IRAK3: variants seen among roughly 807,000 people sequenced by gnomAD.
IRAK3 encodes interleukin 1 receptor associated kinase 3.
In IRAK3, 57 loss-of-function variants were observed where a neutral mutation model predicts 56.6. That is an observed-to-expected ratio of 1.01 (90% CI 0.81 to 1.26). The LOEUF is 1.26. Among genes scored for constraint, IRAK3 ranks in the 50% most tolerant of loss-of-function variants. The pLI, the probability that IRAK3 is intolerant of heterozygous loss-of-function variation, is 0.00. For missense variants in IRAK3, 703 were observed against 719.0 expected (o/e 0.98, Z 0.25); for synonymous variants, 258 against 255.7 (o/e 1.01, Z -0.09).
At chr12:66,218,839 C>T (rs2052702898) in intron 6 of IRAK3, among the ~76,000 whole-genome samples, 1 of 152,140 alleles carries the variant, frequency 6.6e-6, no homozygotes, top group Non-Finnish European at 1.5e-5. Context: ...TTCCCAACCC[C>T]CAGCCCTTGG....
At chr12:66,207,670 C>A (rs899307688) in intron 2 of IRAK3, among the ~76,000 whole-genome samples, 1 of 152,010 alleles carries the variant, frequency 6.6e-6, no homozygotes, top group African/African-American at 2.4e-5. Context: ...CTATAAATTT[C>A]CCTCTAAGCA....
intron 5 of IRAK3, 125 bp downstream of exon 5, chr12:66,211,722 TAAGAG>T (rs2052614216): frequency 3.7e-6 from 3 of 805,848 alleles, no homozygotes; most frequent in Non-Finnish European, 6.1e-6. Flanking sequence ...TAAGTGGAAA[TAAGAG>T]ATATGATTTC....
chr12:66,234,549 C>G, intron 8 of IRAK3: 1 of 1,612,034 alleles, frequency 6.2e-7, no homozygotes, highest in Non-Finnish European at 8.5e-7. Flanking sequence ...AGTCTCACCT[C>G]TCCTTCTCTA....
intron 2 of IRAK3, among the ~76,000 whole-genome samples, chr12:66,206,227 A>AT (rs869189926): frequency 1.3e-5 from 2 of 151,738 alleles, no homozygotes; most frequent in Non-Finnish European, 2.9e-5. Context: ...TATGTTTGTT[A>AT]TTTTTTCTTC....
chr12:66,215,763 C>T (rs989600423), intron 5 of IRAK3, among the ~76,000 whole-genome samples: 13 of 124,006 alleles, frequency 1.0e-4, no homozygotes, highest in Admixed American at 2.6e-4. Context: ...CTTTTATCTC[C>T]GCCCCCTATT....
In IRAK3 at chr12:66,251,310, G is replaced by C. The variant is rs1234653700; in HGVS notation, c.*3139G>C. The C allele has an allele frequency of 6.6e-6, 1 of 152,150 alleles. No individual in the cohort carries two copies. The highest frequency in any genetic ancestry group is 1.5e-5 in the Non-Finnish European group (1 of 68,022). The allele number at this position is 152,150 out of a possible 1,614,324, so 9.4% of individuals were successfully genotyped here. A position where few individuals can be genotyped will look rare whatever the true frequency, so the allele number is the denominator to read the frequency against. On this transcript the variant is annotated 3_prime_UTR_variant, in exon 12 of 12. Coordinates refer to ENST00000261233, the MANE Select transcript of IRAK3 (RefSeq NM_007199.3). ...CCTTCTAGTGGGTGTATTAATAAGC[G>C]TTAGTTGATATGAATTAAATGTTGC...
intron 5 of IRAK3, among the ~76,000 whole-genome samples, chr12:66,216,019 T>C (rs2052673544): frequency 6.6e-6 from 1 of 152,212 alleles, no homozygotes; most frequent in Non-Finnish European, 1.5e-5. Flanking sequence ...ACAATGCAGA[T>C]TCTGATTCAG....
intron 1 of IRAK3, among the ~76,000 whole-genome samples, chr12:66,194,821 T>C (rs1392636126): frequency 6.1e-4 from 58 of 95,586 alleles, no homozygotes; most frequent in Non-Finnish European, 1.1e-3. Context: ...AGAGCGAGAC[T>C]CCTCTCAAAA....
Position 66,251,511 on chromosome 12 carries a change from A to G in IRAK3, c.*3340A>G, listed in dbSNP as rs779654004. 8.5e-5 allele frequency: 13 copies of G among 152,196 alleles called. No individual in the cohort carries two copies. Among genetic ancestry groups the G allele is most frequent in the Non-Finnish European group, 1.6e-4 (11 of 68,026 alleles). The allele number at this position is 152,196 out of a possible 1,614,324, so 9.4% of individuals were successfully genotyped here. On this transcript the variant is annotated 3_prime_UTR_variant, in exon 12 of 12. Transcript: ENST00000261233. ...CTGAGCAATCCTCCAGGCAGATCCT[A>G]TTTACTAAGCTTCAGGCTTTTGTCC... is the stretch of plus-strand genomic sequence containing the variant.
At chr12:66,193,085 G>T (rs539480645) in intron 1 of IRAK3, among the ~76,000 whole-genome samples, 1 of 151,804 alleles carries the variant, frequency 6.6e-6, no homozygotes. Context: ...TCAGTTTACC[G>T]CAACCTCCGC....
intron 8 of IRAK3, among the ~76,000 whole-genome samples, chr12:66,240,776 G>A (rs2052960297): frequency 1.3e-5 from 2 of 150,976 alleles, no homozygotes; most frequent in Non-Finnish European, 1.5e-5. Context: ...AGGCACCCAG[G>A]CGCTGGACTG....
In IRAK3 at chr12:66,249,159, T is replaced by G. The variant is rs2053067771; in HGVS notation, c.*988T>G. ...ACTTTCTGAATTATATCAAAGCTGCTTGTCTTATCTCTTTTTTTTTTTGAG... is the reference window on the plus strand; with the variant it reads ...ACTTTCTGAATTATATCAAAGCTGCGTGTCTTATCTCTTTTTTTTTTTGAG... On this transcript the variant is annotated 3_prime_UTR_variant, in exon 12 of 12. Coordinates refer to ENST00000261233, the MANE Select transcript of IRAK3 (RefSeq NM_007199.3). 6.6e-6 allele frequency: 1 copy of G among 151,780 alleles called. No individual in the cohort carries two copies. The highest frequency in any genetic ancestry group is 6.5e-5 in the Admixed American group (1 of 15,276). 9.4% of individuals were successfully genotyped at this position (151,780 alleles called of 1,614,324 possible).
At chr12:66,196,509 T>C (rs907691615) in intron 1 of IRAK3, among the ~76,000 whole-genome samples, 61 of 152,276 alleles carry the variant, frequency 4.0e-4, no homozygotes, top group Non-Finnish European at 6.6e-4. Flanking sequence ...GTGTTGAGGG[T>C]GAATTATCTC....
intron 1 of IRAK3, chr12:66,197,096 T>C: frequency 1.5e-6 from 2 of 1,327,160 alleles, no homozygotes; most frequent in Non-Finnish European, 1.9e-6. Flanking sequence ...GAGCATCTGA[T>C]TTCTGAACTT....
At position 66,254,548 on chromosome 12, in the gene IRAK3, A is replaced by G. The variant is rs11541076; in HGVS notation, c.*6377A>G. ...GGTGATCTTTACATTCTTCAGACTCATGTGTGTTTGAAACTTTTTATAATG... is the reference window on the plus strand; with the variant it reads ...GGTGATCTTTACATTCTTCAGACTCGTGTGTGTTTGAAACTTTTTATAATG... On this transcript the variant is annotated 3_prime_UTR_variant, in exon 12 of 12. Transcript: ENST00000261233. 1 of 150,470 alleles carries G rather than the reference A, an allele frequency of 6.6e-6. No homozygotes were observed. Among genetic ancestry groups the G allele is most frequent in the Non-Finnish European group, 1.5e-5 (1 of 67,614 alleles). 9.3% of individuals were successfully genotyped at this position (150,470 alleles called of 1,614,324 possible).
chr12:66,208,752 C>A (rs762683420), intron 2 of IRAK3, among the ~76,000 whole-genome samples: 2 of 145,626 alleles, frequency 1.4e-5, no homozygotes, highest in Non-Finnish European at 3.0e-5. Flanking sequence ...CAGAGCGAGA[C>A]TCTGTCTCAA....
At position 66,251,561 on chromosome 12, in the gene IRAK3, G is replaced by C. The variant is rs1046473742; in HGVS notation, c.*3390G>C. 5 of 152,126 alleles carry C rather than the reference G, an allele frequency of 3.3e-5. No individual in the cohort carries two copies. The highest frequency in any genetic ancestry group is 1.3e-4 in the Admixed American group (2 of 15,268). 9.4% of individuals were successfully genotyped at this position (152,126 alleles called of 1,614,324 possible). A position where few individuals can be genotyped will look rare whatever the true frequency, so the allele number is the denominator to read the frequency against. The stretch of plus-strand genomic sequence containing the variant: ...CCATTTTATAATGCCCAAACACATG[G>C]AGAAAACATTTTGTTGTTTTTAAAA... On this transcript the variant is annotated 3_prime_UTR_variant, in exon 12 of 12. Coordinates refer to ENST00000261233, the MANE Select transcript of IRAK3 (RefSeq NM_007199.3).
Position 66,249,854 on chromosome 12 carries a change from G to A in IRAK3, c.*1683G>A, listed in dbSNP as rs894736574. On this transcript the variant is annotated 3_prime_UTR_variant, in exon 12 of 12. Transcript: ENST00000261233. ...ACTCATATAAGCCAGGAAAATCTCT[G>A]TGTCTCAGATCCTTAATTTAATTAC... The A allele has an allele frequency of 1.3e-5, 2 of 152,156 alleles. No homozygotes were observed. Among genetic ancestry groups the A allele is most frequent in the African/African-American group, 4.8e-5 (2 of 41,432 alleles). 9.4% of individuals were successfully genotyped at this position (152,156 alleles called of 1,614,324 possible).
At chr12:66,240,634 C>A (rs2052958312) in intron 8 of IRAK3, among the ~76,000 whole-genome samples, 1 of 151,888 alleles carries the variant, frequency 6.6e-6, no homozygotes, top group Non-Finnish European at 1.5e-5. Flanking sequence ...ACAGACAGCA[C>A]ATGTGTGCTG....
Sources: gnomAD v4.1 joint callset for allele counts (sites outside exome capture counted in the v4.1 genomes callset) on GRCh38, gnomAD v4.1.1 for gene constraint, MANE v1.5 for transcripts, NCBI Gene and HGNC (gene_info 2026-07-23, HGNC 2026-07-21) for gene names.